Variants in UGT8 observed in about 807,000 individuals in gnomAD.
The protein encoded by UGT8 is 2-hydroxyacylsphingosine 1-beta-galactosyltransferase.
In UGT8, 12 loss-of-function variants were observed where a neutral mutation model predicts 40.5. The observed-to-expected ratio is 0.30, with a 90% CI of 0.19 to 0.48. The LOEUF (loss-of-function observed/expected upper bound fraction) is 0.48, where lower values mean the gene tolerates loss of function less well. Among genes scored for constraint, UGT8 ranks in the 20% least tolerant of loss-of-function variants. UGT8 has a pLI of 0.99. For synonymous variants in UGT8, 224 were observed against 240.4 expected, an observed-to-expected ratio of 0.93 and a Z score of 0.63; for missense variants, 513 against 648.7, an observed-to-expected ratio of 0.79 and a Z score of 2.27.
chr4:114,627,508 T>A (rs1732308597), intron 2 of UGT8, among the ~76,000 whole-genome samples: 2 of 152,154 alleles, frequency 1.3e-5, no homozygotes, highest in Non-Finnish European at 2.9e-5. Context: ...TCTGCCCGTC[T>A]CGGCCTCCCA....
chr4:114,627,248 A>G lies in UGT8; in HGVS notation c.822+3546A>G, dbSNP rs540826014. Among the ~76,000 whole-genome samples, 18 of 151,022 alleles carry G rather than the reference A, an allele frequency of 1.2e-4. No homozygotes were observed. In the East Asian group the frequency reaches 3.5e-3, roughly 29 times the overall value. ...GGTCTGTAGACAGGTCCCTATTTGAATAGATTCTTTTTTTTTTTTTTTTTT... is the reference window on the plus strand; with the variant it reads ...GGTCTGTAGACAGGTCCCTATTTGAGTAGATTCTTTTTTTTTTTTTTTTTT... On this transcript the variant is annotated intron_variant, in intron 2 of 5. Coordinates refer to ENST00000310836, the MANE Select transcript of UGT8 (RefSeq NM_001128174.3).
chr4:114,656,509 T>G (rs542467533), intron 2 of UGT8, among the ~76,000 whole-genome samples: 2 of 152,280 alleles, frequency 1.3e-5, no homozygotes, highest in South Asian at 4.1e-4. Flanking sequence ...GTTTATCCTT[T>G]CAAAGACTTA....
Position 114,664,005 on chromosome 4 carries a change from G to A in UGT8, c.833G>A (p.Arg278Lys). The part of the protein sequence containing the change: ...PASPLPEDLQ[R>K]WVNGANEHGF... ...TGTTTTGATTTACAGGATCTCCAAA[G>A]ATGGGTAAATGGTGCTAATGAACAT... is the stretch of plus-strand genomic sequence containing the variant. Residue 278 changes from arginine to lysine, a missense_variant, in exon 3 of 6, where the codon AGA (arginine) becomes AAA (lysine). Around this residue, in one of 3 missense-constraint regions of UGT8, gnomAD observed 335 missense variants for 444.8 expected, o/e 0.75. Transcript: ENST00000310836. 1 of 1,613,788 alleles carries A rather than the reference G, an allele frequency of 6.2e-7. No individual in the cohort carries two copies. Among genetic ancestry groups the A allele is most frequent in the Non-Finnish European group, 8.5e-7 (1 of 1,179,838 alleles).
chr4:114,607,751 C>A (rs545637687), intron 1 of UGT8, among the ~76,000 whole-genome samples: 1 of 152,224 alleles, frequency 6.6e-6, no homozygotes, highest in South Asian at 2.1e-4. Context: ...CCCTTTATAT[C>A]TAATCTATTC....
At chr4:114,619,986 TA>T in intron 1 of UGT8, among the ~76,000 whole-genome samples, 1 of 151,442 alleles carries the variant, frequency 6.6e-6, no homozygotes, top group Non-Finnish European at 1.5e-5. Flanking sequence ...ATAATTATAT[TA>T]AAATATAAGA....
Position 114,613,237 on chromosome 4 carries a change from G to A in UGT8, c.-2-9642G>A, listed in dbSNP as rs1731196287. Among the ~76,000 whole-genome samples, 2 of 151,748 alleles carry A rather than the reference G, an allele frequency of 1.3e-5. 1 individual carries two copies. The highest frequency in any genetic ancestry group is 1.3e-4 in the Admixed American group (2 of 15,248). ...GAACTGTGAGCTAACTGAAAAGATA[G>A]TCTTAGATTACCAAGTACCATACAT... is the stretch of plus-strand genomic sequence containing the variant. On this transcript the variant is annotated intron_variant, in intron 1 of 5. Transcript: ENST00000310836.
At chr4:114,662,095 T>C (rs1387425178) in intron 2 of UGT8, among the ~76,000 whole-genome samples, 1 of 152,222 alleles carries the variant, frequency 6.6e-6, no homozygotes, top group African/African-American at 2.4e-5. Flanking sequence ...ATAGTCTCTA[T>C]TTCTTTTATA....
chr4:114,616,233 T>C (rs1731420624), intron 1 of UGT8, among the ~76,000 whole-genome samples: 1 of 152,176 alleles, frequency 6.6e-6, no homozygotes, highest in Non-Finnish European at 1.5e-5. Flanking sequence ...CTCCTTGAGC[T>C]GCAGTGGGCT....
Position 114,623,282 on chromosome 4 carries a change from G to A in UGT8, c.402G>A (p.Leu134=), listed in dbSNP as rs1731958229. 6.2e-7 allele frequency: 1 copy of A among 1,614,178 alleles called. No homozygotes were observed. The highest frequency in any genetic ancestry group is 8.5e-7 in the Non-Finnish European group (1 of 1,180,038). The change falls in exon 2 of 6, where the codon CTG becomes CTA. Residue 134 remains leucine, a synonymous_variant. Transcript: ENST00000310836. ...GTCTGAAGAAAGAAAAATTTGACCT[G>A]CTGCTGGTGGACCCTAATGATATGT... ...IQGLKKEKFD[L]LLVDPNDMCG... is the part of the protein sequence containing the mutation.
At chr4:114,665,226 T>G (rs1734780460) in intron 3 of UGT8, among the ~76,000 whole-genome samples, 1 of 152,178 alleles carries the variant, frequency 6.6e-6, no homozygotes, top group Admixed American at 6.5e-5. Flanking sequence ...GAAGAGAACT[T>G]ACTGATTTTT....
intron 2 of UGT8, among the ~76,000 whole-genome samples, chr4:114,631,379 C>T (rs557218759): frequency 2.0e-5 from 3 of 152,156 alleles, no homozygotes; most frequent in East Asian, 1.9e-4. Flanking sequence ...GCCAGCTACT[C>T]GGGAGGCTGA....
intron 1 of UGT8, among the ~76,000 whole-genome samples, chr4:114,614,860 T>TGG (rs1365075994): frequency 2.0e-5 from 2 of 100,646 alleles, no homozygotes; most frequent in African/African-American, 6.8e-5. Context: ...TTTTTTTTTT[T>TGG]GGGCAGGTGG....
At chr4:114,636,706 C>G (rs577263160) in intron 2 of UGT8, among the ~76,000 whole-genome samples, 2 of 151,986 alleles carry the variant, frequency 1.3e-5, no homozygotes, top group Non-Finnish European at 2.9e-5. Context: ...TCTGCTGCCC[C>G]CTCTCCCTTC....
At chr4:114,608,071 A>G (rs1338893885) in intron 1 of UGT8, among the ~76,000 whole-genome samples, 1 of 151,874 alleles carries the variant, frequency 6.6e-6, no homozygotes, top group South Asian at 2.1e-4. Flanking sequence ...AGACTTATTT[A>G]TTTTCTCATA....
chr4:114,603,369 T>C (rs889228135), intron 1 of UGT8, among the ~76,000 whole-genome samples: 4 of 152,076 alleles, frequency 2.6e-5, no homozygotes, highest in Admixed American at 2.0e-4. Flanking sequence ...ATTTAGGAGT[T>C]TTCAGTGTAT....
At chr4:114,673,681 T>G (rs1049863465) in intron 5 of UGT8, among the ~76,000 whole-genome samples, 1 of 152,230 alleles carries the variant, frequency 6.6e-6, no homozygotes, top group Non-Finnish European at 1.5e-5. Context: ...AAGATTGTTT[T>G]TATCCTTCTT....
Position 114,669,381 on chromosome 4 carries a change from C to CATAT in UGT8, c.1262+1100_1262+1103dup, listed in dbSNP as rs5861189. 7.3e-3 allele frequency among the ~76,000 whole-genome samples: 1,099 copies of CATAT among 150,476 alleles called. 15 individuals are homozygous for CATAT. Among genetic ancestry groups the CATAT allele is most frequent in the African/African-American group, 0.024 (979 of 40,596 alleles). On this transcript the variant is annotated intron_variant, in intron 5 of 5. Coordinates refer to ENST00000310836, the MANE Select transcript of UGT8 (RefSeq NM_001128174.3). Reference sequence around the variant, plus strand: ...TCAAAACATGATGTTATTTCATATACATATATATATATATATATATATATA... The same window carrying CATAT: ...TCAAAACATGATGTTATTTCATATACATATATATATATATATATATATATATATA...
At chr4:114,604,187 T>C (rs999960047) in intron 1 of UGT8, among the ~76,000 whole-genome samples, 1 of 152,192 alleles carries the variant, frequency 6.6e-6, no homozygotes, top group African/African-American at 2.4e-5. Flanking sequence ...ACCTCCAGGT[T>C]TCTAATGTCT....
intron 2 of UGT8, among the ~76,000 whole-genome samples, chr4:114,644,009 T>C (rs1733393732): frequency 6.6e-6 from 1 of 152,178 alleles, no homozygotes; most frequent in Non-Finnish European, 1.5e-5. Flanking sequence ...TTTTCCAGGC[T>C]TTACCCTTCA....
Sources: gnomAD v4.1 joint callset for allele counts (sites outside exome capture counted in the v4.1 genomes callset) on GRCh38, gnomAD v4.1.1 for gene constraint, gnomAD v4.1.1 regional missense constraint, MANE v1.5 for transcripts, NCBI Gene and HGNC (gene_info 2026-07-23, HGNC 2026-07-21) for gene names.